The following HAGHL variants were observed in gnomAD, a reference collection of about 807,000 sequenced individuals.
The protein encoded by HAGHL is hydroxyacylglutathione hydrolase like, also known as hydroxyacylglutathione hydrolase-like protein.
Under a neutral mutation model 29.2 loss-of-function variants are expected in HAGHL, and 27 were observed. The ratio of observed to expected loss-of-function variants is 0.92; its 90% CI spans 0.68 to 1.27. The LOEUF (loss-of-function observed/expected upper bound fraction) is 1.27. Ranked by LOEUF, HAGHL falls within the 50% of genes most tolerant of loss-of-function variation. HAGHL has a pLI of 0.00. For missense variants in HAGHL, 529 were observed against 405.5 expected (o/e 1.30, Z -2.62); for synonymous variants, 223 against 185.7 (o/e 1.20, Z -1.63).
intron 6 of HAGHL, 34 bp downstream of exon 6, chr16:728,929 G>T (rs777857295): frequency 9.7e-6 from 12 of 1,235,796 alleles, no homozygotes; most frequent in Admixed American, 4.4e-5. Flanking sequence ...CAAGAGGGTG[G>T]GGGGGGAGGG....
At chr16:727,736 C>A in intron 1 of HAGHL, 122 bp downstream of exon 1, 1 of 740,838 alleles carries the variant, frequency 1.3e-6, no homozygotes, top group South Asian at 1.8e-5. Context: ...GCTGGGGTTC[C>A]TTGTTTATCT....
At chr16:728,272 C>T (rs1368180255) in intron 3 of HAGHL, 39 bp downstream of exon 3, 2 of 1,509,100 alleles carry the variant, frequency 1.3e-6, no homozygotes, top group Non-Finnish European at 1.8e-6. Context: ...GAGGGCGCCC[C>T]GGGTCCACCC....
Position 729,417 on chromosome 16 carries a change from G to A in HAGHL, c.810G>A (p.Ala270=), listed in dbSNP as rs1489119605. 6 of 1,531,592 alleles carry A rather than the reference G, an allele frequency of 3.9e-6. No individual in the cohort carries two copies. In the African/African-American group the frequency reaches 6.9e-5, roughly 18 times the overall value. The allele number at this position is 1,531,592 out of a possible 1,614,324, so 94.9% of individuals were successfully genotyped here. Reference sequence around the variant, plus strand: ...AGCCACAGGCGCGGGCCCTCCTTGCGCTGCAGTGGGGGCTCCTGAGTGCAG... The same window carrying A: ...AGCCACAGGCGCGGGCCCTCCTTGCACTGCAGTGGGGGCTCCTGAGTGCAG... ...PRQPQARALL[A]LQWGLLSAAP... The change falls in exon 8 of 8, where the codon GCG becomes GCA. Residue 270 remains alanine (A), a synonymous_variant. Coordinates refer to ENST00000389703, the MANE Select transcript of HAGHL (RefSeq NM_032304.4).
chr16:727,638 G>A, intron 1 of HAGHL, 24 bp downstream of exon 1: 1 of 1,521,052 alleles, frequency 6.6e-7, no homozygotes, highest in South Asian at 1.1e-5. Flanking sequence ...GCGGGCCGCA[G>A]GGACCCGGCC....
At chr16:729,116 C>T in intron 7 of HAGHL, 28 bp downstream of exon 7, 1 of 1,605,226 alleles carries the variant, frequency 6.2e-7, no homozygotes, top group Non-Finnish European at 8.5e-7. Context: ...CCCGGGGCCT[C>T]CACCGTTACG....
At chr16:727,676 C>G in intron 1 of HAGHL, 62 bp downstream of exon 1, 1 of 1,148,530 alleles carries the variant, frequency 8.7e-7, no homozygotes, top group Non-Finnish European at 1.3e-6. Flanking sequence ...CCCCGACCCC[C>G]CTGGTAGGAG....
In HAGHL at chr16:727,499, G is replaced by A. The variant is rs369071030; in HGVS notation, c.-11G>A. On this transcript the variant is annotated 5_prime_UTR_variant, in exon 1 of 8. Transcript: ENST00000389703. Reference sequence around the variant, plus strand: ...TTTTGGAGCAGGCACCGGTGGCCGAGCTCCGTGACCATGAAGGTCAAGGTC... The same window carrying A: ...TTTTGGAGCAGGCACCGGTGGCCGAACTCCGTGACCATGAAGGTCAAGGTC... 1.3e-6 allele frequency: 2 copies of A among 1,578,382 alleles called. No individual in the cohort carries two copies. The highest frequency in any genetic ancestry group is 1.4e-5 in the African/African-American group (1 of 73,990).
chr16:727,902 C>G (rs1460936188), intron 1 of HAGHL, 63 bp from the exon 2 acceptor site: 4 of 1,507,868 alleles, frequency 2.7e-6, no homozygotes, highest in Non-Finnish European at 2.7e-6. Context: ...CGCGGCGGAT[C>G]CCGATATGGA....
Position 727,615 on chromosome 16 carries a change from G to C in HAGHL, c.105+1G>C, listed in dbSNP as rs761851848. 6 of 1,601,450 alleles carry C rather than the reference G, an allele frequency of 3.7e-6. No homozygotes were observed. The East Asian group carries it at 1.1e-4, about 30-fold the overall frequency. ...CGTGGACGTGGCTGTGCCCAAGAGG[G>C]TGAGGGCAGGCCGCGGGCCGCAGGG... is the stretch of plus-strand genomic sequence containing the variant. On this transcript the variant is annotated splice_donor_variant, in intron 1 of 7. Coordinates refer to ENST00000389703, the MANE Select transcript of HAGHL (RefSeq NM_032304.4). LOFTEE classifies it high-confidence loss of function.
intron 5 of HAGHL, 62 bp downstream of exon 5, chr16:728,666 C>T (rs2041191308): frequency 7.9e-7 from 1 of 1,271,108 alleles, no homozygotes; most frequent in Non-Finnish European, 1.1e-6. Context: ...TCCGCACCCT[C>T]ACTGTGCTAG....
intron 1 of HAGHL, 167 bp downstream of exon 1, chr16:727,781 C>A: frequency 1.4e-6 from 1 of 740,186 alleles, no homozygotes; most frequent in Non-Finnish European, 2.2e-6. Context: ...CTCTGGCCTC[C>A]GCCCTTTCGC....
At position 729,375 on chromosome 16, in the gene HAGHL, G is replaced by C. The variant is rs1415352577; in HGVS notation, c.768G>C (p.Gln256His). Residue 256 changes from glutamine (Q) to histidine (H), a missense_variant, in exon 8 of 8, where the codon CAG (glutamine) becomes CAC (histidine). By Grantham distance (24) the Gln-to-His change is conservative (BLOSUM62 0). Transcript: ENST00000389703. Reference protein sequence around the residue: ...ALCKERARFEQAGEPRQPQAR... With the variant: ...ALCKERARFEHAGEPRQPQAR... ...GCAAGGAGCGGGCGCGCTTCGAACA[G>C]GCGGGCGAGCCGCGGCAGCCACAGG... 6.5e-7 allele frequency: 1 copy of C among 1,528,056 alleles called. No homozygotes were observed. Among genetic ancestry groups the C allele is most frequent in the Non-Finnish European group, 8.8e-7 (1 of 1,140,618 alleles). 94.7% of individuals were successfully genotyped at this position (1,528,056 alleles called of 1,614,324 possible). A position where few individuals can be genotyped will look rare whatever the true frequency, so the allele number is the denominator to read the frequency against.
In HAGHL at chr16:728,909, C is replaced by T. The variant is rs767335109; in HGVS notation, c.600+14C>T. The T allele has an allele frequency of 6.4e-7, 1 of 1,570,696 alleles. No individual in the cohort carries two copies. The highest frequency in any genetic ancestry group is 1.1e-5 in the South Asian group (1 of 87,198). ...TCCTGGGCTAAGGCACGGCCCCTTTCCCGCCGCGGCAAGAGGGTGGGGGGG... is the reference window on the plus strand; with the variant it reads ...TCCTGGGCTAAGGCACGGCCCCTTTTCCGCCGCGGCAAGAGGGTGGGGGGG... On this transcript the variant is annotated intron_variant, in intron 6 of 7. Coordinates refer to ENST00000389703, the MANE Select transcript of HAGHL (RefSeq NM_032304.4).
chr16:727,650 T>G, intron 1 of HAGHL, 36 bp downstream of exon 1: 1 of 1,431,076 alleles, frequency 7.0e-7, no homozygotes, highest in Non-Finnish European at 9.7e-7. Flanking sequence ...GACCCGGCCG[T>G]GTCCCCCGAG....
intron 6 of HAGHL, 31 bp downstream of exon 6, chr16:728,926 G>GT: frequency 8.0e-7 from 1 of 1,255,744 alleles, no homozygotes; most frequent in Non-Finnish European, 1.1e-6. Flanking sequence ...CGGCAAGAGG[G>GT]TGGGGGGGGA....
In HAGHL at chr16:729,416, C is replaced by A; in HGVS notation, c.809C>A (p.Ala270Glu). The stretch of plus-strand genomic sequence containing the variant: ...CAGCCACAGGCGCGGGCCCTCCTTG[C>A]GCTGCAGTGGGGGCTCCTGAGTGCA... Reference protein sequence around the residue: ...PRQPQARALLALQWGLLSAAP... With the variant: ...PRQPQARALLELQWGLLSAAP... The change falls in exon 8 of 8, where the codon GCG becomes GAG. Residue 270 changes from alanine (A) to glutamate (E), a missense_variant. Physicochemically the swap from Ala to Glu is moderately radical, Grantham distance 107. Transcript: ENST00000389703. 1.3e-6 allele frequency: 2 copies of A among 1,532,128 alleles called. No individual in the cohort carries two copies. The highest frequency in any genetic ancestry group is 1.7e-6 in the Non-Finnish European group (2 of 1,142,876). 94.9% of individuals were successfully genotyped at this position (1,532,128 alleles called of 1,614,324 possible). A position where few individuals can be genotyped will look rare whatever the true frequency, so the allele number is the denominator to read the frequency against.
chr16:729,150 G>C (rs890396243), intron 7 of HAGHL, 62 bp downstream of exon 7: 8 of 1,593,786 alleles, frequency 5.0e-6, no homozygotes, highest in Non-Finnish European at 6.8e-6. Flanking sequence ...AGGCATCTGG[G>C]GACTGCGTGT....
chr16:728,646 GCCC>G, intron 5 of HAGHL, 42 bp downstream of exon 5: 1 of 1,316,304 alleles, frequency 7.6e-7, no homozygotes, highest in Non-Finnish European at 1.0e-6. Flanking sequence ...CGTGGGCACA[GCCC>G]CCACGCTCCG....
rs1278868467 is a variant in HAGHL at position 728,499 on chromosome 16, G to T, written c.398-5G>T. 25 of 1,274,266 alleles carry T rather than the reference G, an allele frequency of 2.0e-5. No homozygotes were observed. Among genetic ancestry groups the T allele is most frequent in the Non-Finnish European group, 2.3e-5 (23 of 987,364 alleles). 78.9% of individuals were successfully genotyped at this position (1,274,266 alleles called of 1,614,324 possible). A position where few individuals can be genotyped will look rare whatever the true frequency, so the allele number is the denominator to read the frequency against. ...CATCTGCTCTGACCCGCCCTCCCCC[G>T]CCAGGCGACGCGCTGTCGGTGGCCG... is the stretch of plus-strand genomic sequence containing the variant. On this transcript the variant is annotated splice_region_variant and splice_polypyrimidine_tract_variant and intron_variant, in intron 4 of 7. Coordinates refer to ENST00000389703, the MANE Select transcript of HAGHL (RefSeq NM_032304.4).
Sources: allele counts gnomAD v4.1 joint callset, GRCh38; gene constraint gnomAD v4.1.1; transcripts MANE v1.5; gene names NCBI Gene and HGNC (gene_info 2026-07-23, HGNC 2026-07-21).